Variants in ZNF474 observed in about 807,000 individuals in gnomAD.
ZNF474 encodes zinc finger protein 474.
For synonymous variants in ZNF474, 192 were observed against 162.2 expected (o/e 1.18, Z -1.39); for missense variants, 511 against 433.8 (o/e 1.18, Z -1.58).
intron 1 of ZNF474, among the ~76,000 whole-genome samples, chr5:122,140,446 C>T (rs985675750): frequency 2.0e-5 from 3 of 152,012 alleles, no homozygotes; most frequent in Admixed American, 6.6e-5. Flanking sequence ...TTCTTTCAAC[C>T]GCATATGAAT....
chr5:122,138,411 G>A (rs1230768654), intron 1 of ZNF474, among the ~76,000 whole-genome samples: 1 of 152,164 alleles, frequency 6.6e-6, no homozygotes, highest in Non-Finnish European at 1.5e-5. Flanking sequence ...GATCTTCTCA[G>A]CCTGGCCTCA....
intron 1 of ZNF474, among the ~76,000 whole-genome samples, chr5:122,140,832 C>T (rs1402255902): frequency 6.6e-6 from 1 of 152,182 alleles, no homozygotes; most frequent in Non-Finnish European, 1.5e-5. Flanking sequence ...GCACCACAGG[C>T]AGCATCTCCA....
At chr5:122,132,092 A>G (rs1755591189) in intron 1 of ZNF474, among the ~76,000 whole-genome samples, 3 of 152,148 alleles carry the variant, frequency 2.0e-5, no homozygotes, top group African/African-American at 4.8e-5. Flanking sequence ...TTAAGTACCT[A>G]TACTTCTTTA....
chr5:122,139,420 TTTA>T (rs1200346650), intron 1 of ZNF474, among the ~76,000 whole-genome samples: 2 of 152,192 alleles, frequency 1.3e-5, no homozygotes, highest in Non-Finnish European at 2.9e-5. Context: ...CCAAATTTAT[TTTA>T]TTGTCAATTT....
intron 1 of ZNF474, among the ~76,000 whole-genome samples, chr5:122,136,942 A>G (rs1172690300): frequency 6.6e-6 from 1 of 152,258 alleles, no homozygotes; most frequent in Non-Finnish European, 1.5e-5. Context: ...TGCTGGTGAT[A>G]TAACTATGTA....
chr5:122,151,942 G>A lies in ZNF474; in HGVS notation c.-49G>A, dbSNP rs757315348. 2 of 1,559,210 alleles carry A rather than the reference G, an allele frequency of 1.3e-6. No homozygotes were observed. Among genetic ancestry groups the A allele is most frequent in the South Asian group, 1.2e-5 (1 of 80,494 alleles). On this transcript the variant is annotated 5_prime_UTR_variant, in exon 2 of 2. Transcript: ENST00000296600. ...TTCACTCTAAGCAGAAGCCCAAAGT[G>A]AGTCTGGCCTGAAATCAGAGCAAGC...
rs767883721 is a variant in ZNF474 at position 122,152,667 on chromosome 5, T to A, written c.677T>A (p.Ile226Lys). 4.3e-6 allele frequency: 7 copies of A among 1,614,012 alleles called. No individual in the cohort carries two copies. Among genetic ancestry groups the A allele is most frequent in the Non-Finnish European group, 5.9e-6 (7 of 1,180,026 alleles). The change falls in exon 2 of 2, where the codon ATA (isoleucine) becomes AAA (lysine). Residue 226 changes from isoleucine (I) to lysine (K), a missense_variant. Ile to Lys is a moderately radical substitution (Grantham distance 102). Transcript: ENST00000296600. ...CGACCAAGGACTGTTATCTGCTACA[T>A]ATGTGGTAAGGAATTTGGCACCCTG... ...PARPRTVICY[I>K]CGKEFGTLSL...
intron 1 of ZNF474, among the ~76,000 whole-genome samples, chr5:122,136,950 G>A (rs1396288116): frequency 6.6e-6 from 1 of 152,200 alleles, no homozygotes; most frequent in African/African-American, 2.4e-5. Flanking sequence ...ATATAACTAT[G>A]TAGAGAGCAA....
At chr5:122,130,703 T>C (rs1755555337) in intron 1 of ZNF474, among the ~76,000 whole-genome samples, 2 of 152,172 alleles carry the variant, frequency 1.3e-5, no homozygotes, top group Admixed American at 1.3e-4. Context: ...TCCAGCTTTA[T>C]TGAGGTATGA....
chr5:122,136,451 C>T (rs1755703324), intron 1 of ZNF474, among the ~76,000 whole-genome samples: 1 of 152,304 alleles, frequency 6.6e-6, no homozygotes, highest in South Asian at 2.1e-4. Flanking sequence ...CCTAGTTAGG[C>T]AGTGCCCCCA....
intron 1 of ZNF474, among the ~76,000 whole-genome samples, chr5:122,147,217 A>G (rs998426924): frequency 6.6e-6 from 1 of 152,282 alleles, no homozygotes; most frequent in Middle Eastern, 3.4e-3. Context: ...AACAACATTG[A>G]AGATGAACCT....
intron 1 of ZNF474, among the ~76,000 whole-genome samples, chr5:122,141,281 G>C (rs1755838124): frequency 7.0e-6 from 1 of 143,816 alleles, no homozygotes; most frequent in Non-Finnish European, 1.5e-5. Context: ...CACCCGAGTA[G>C]CTGGGATTAC....
chr5:122,136,931 G>C (rs1755715755), intron 1 of ZNF474, among the ~76,000 whole-genome samples: 1 of 152,202 alleles, frequency 6.6e-6, no homozygotes, highest in African/African-American at 2.4e-5. Context: ...ACTGGGCGAG[G>C]TGCTGGTGAT....
rs1255530588 is a variant in ZNF474 at position 122,151,828 on chromosome 5, G to T, written c.-163G>T. ...TGAGGACTTTCCAACATTCCAGACT[G>T]CCGTCCTGCAATGAAGCTCTGAGTC... is the stretch of plus-strand genomic sequence containing the variant. On this transcript the variant is annotated 5_prime_UTR_variant, in exon 2 of 2. Coordinates refer to ENST00000296600, the MANE Select transcript of ZNF474 (RefSeq NM_207317.3). 5.1e-6 allele frequency: 4 copies of T among 783,294 alleles called. No homozygotes were observed. The highest frequency in any genetic ancestry group is 7.9e-6 in the Non-Finnish European group (4 of 504,204). 48.5% of individuals were successfully genotyped at this position (783,294 alleles called of 1,614,324 possible). A position where few individuals can be genotyped will look rare whatever the true frequency, so the allele number is the denominator to read the frequency against.
At chr5:122,141,179 A>T (rs933511348) in intron 1 of ZNF474, among the ~76,000 whole-genome samples, 2 of 106,946 alleles carry the variant, frequency 1.9e-5, no homozygotes, top group Admixed American at 9.9e-5. Context: ...TATTTTTGGA[A>T]ACAGTCTATT....
At chr5:122,146,558 T>G (rs905524923) in intron 1 of ZNF474, among the ~76,000 whole-genome samples, 4 of 152,200 alleles carry the variant, frequency 2.6e-5, no homozygotes, top group African/African-American at 9.7e-5. Context: ...ATCTGAAATT[T>G]GAAATAACAT....
At chr5:122,151,164 C>G (rs1312312478) in intron 1 of ZNF474, among the ~76,000 whole-genome samples, 2 of 152,190 alleles carry the variant, frequency 1.3e-5, no homozygotes, top group Non-Finnish European at 2.9e-5. Context: ...TGTGACACAA[C>G]TTTACCTCAA....
chr5:122,139,072 A>G (rs1339794894), intron 1 of ZNF474, among the ~76,000 whole-genome samples: 1 of 152,224 alleles, frequency 6.6e-6, no homozygotes, highest in African/African-American at 2.4e-5. Flanking sequence ...TTAAAATCAG[A>G]TAAATCTTGG....
intron 1 of ZNF474, among the ~76,000 whole-genome samples, chr5:122,143,432 T>A (rs1052280538): frequency 6.6e-6 from 1 of 152,190 alleles, no homozygotes; most frequent in Non-Finnish European, 1.5e-5. Context: ...AACATATGCA[T>A]CTATTTGCAG....
Sources: gnomAD v4.1 joint callset for allele counts (sites outside exome capture counted in the v4.1 genomes callset) on GRCh38, gnomAD v4.1.1 for gene constraint, MANE v1.5 for transcripts, NCBI Gene and HGNC (gene_info 2026-07-23, HGNC 2026-07-21) for gene names.